KALRN: variants seen among roughly 807,000 people sequenced by gnomAD.
The protein encoded by KALRN is kalirin RhoGEF kinase, also known as kalirin.
KALRN carries 70 observed loss-of-function variants against 353.7 expected under a neutral mutation model. The observed-to-expected ratio is 0.20, with a 90% CI of 0.16 to 0.24. KALRN has a LOEUF of 0.24. Among genes scored for constraint, KALRN ranks in the 10% least tolerant of loss-of-function variants. The probability of loss-of-function intolerance (pLI) is 1.00; values close to 1 mark genes in which losing one functional copy is unlikely to be tolerated. For synonymous variants in KALRN, 1,391 were observed against 1,434.8 expected, an observed-to-expected ratio of 0.97 and a Z score of 0.69; for missense variants, 2,791 against 3,756.7, an observed-to-expected ratio of 0.74 and a Z score of 6.72.
chr3:124,687,493 T>A (rs2061617326), intron 51 of KALRN, among the ~76,000 whole-genome samples: 1 of 152,048 alleles, frequency 6.6e-6, no homozygotes, highest in Non-Finnish European at 1.5e-5. Flanking sequence ...CATATTTTCA[T>A]CCTTTTTATT....
rs549306596 is a variant in KALRN, at chr3:124,291,524, C to T, written c.970-7267C>T. 4.6e-5 allele frequency among the ~76,000 whole-genome samples: 7 copies of T among 152,122 alleles called. No individual in the cohort carries two copies. The East Asian group carries it at 5.8e-4, about 13-fold the overall frequency. On this transcript the variant is annotated intron_variant, in intron 5 of 59. Coordinates refer to ENST00000682506, the MANE Select transcript of KALRN (RefSeq NM_001388419.1). ...GAAAGGGTTTTGTTAACCCTTTGCT[C>T]GTAGTGGGATATTTGGCTGTTTCAC...
At chr3:124,047,035 C>T (rs2040541089) in intron 1 of KALRN, among the ~76,000 whole-genome samples, 1 of 143,490 alleles carries the variant, frequency 7.0e-6, no homozygotes, top group Non-Finnish European at 1.5e-5. Flanking sequence ...AAACAAAAGA[C>T]CTATGAAGTC....
intron 3 of KALRN, among the ~76,000 whole-genome samples, chr3:124,246,600 C>G (rs1049659610): frequency 6.6e-6 from 1 of 152,038 alleles, no homozygotes; most frequent in African/African-American, 2.4e-5. Flanking sequence ...CCTTATCTGC[C>G]TTTTATGGAG....
intron 1 of KALRN, among the ~76,000 whole-genome samples, chr3:124,099,648 A>G (rs907504973): frequency 2.6e-5 from 4 of 152,250 alleles, no homozygotes; most frequent in African/African-American, 9.6e-5. Context: ...ACTGTTTTCC[A>G]TAACAACTGT....
chr3:124,195,389 A>T (rs1298060540), intron 1 of KALRN, among the ~76,000 whole-genome samples: 1 of 152,154 alleles, frequency 6.6e-6, no homozygotes, highest in Non-Finnish European at 1.5e-5. Context: ...AGCATGTACA[A>T]GTACTTTGTT....
At chr3:124,649,597 G>T (rs1242243861) in intron 37 of KALRN, among the ~76,000 whole-genome samples, 1 of 145,630 alleles carries the variant, frequency 6.9e-6, no homozygotes, top group Non-Finnish European at 1.5e-5. Context: ...AATGTAATGA[G>T]ACCCAGTCTC....
At chr3:124,302,916 C>A (rs1238625405) in intron 6 of KALRN, among the ~76,000 whole-genome samples, 1 of 152,148 alleles carries the variant, frequency 6.6e-6, no homozygotes, top group African/African-American at 2.4e-5. Flanking sequence ...TAGATCCCAC[C>A]CTAATGGCCT....
At chr3:124,614,400 C>A (rs928350738) in intron 34 of KALRN, among the ~76,000 whole-genome samples, 1 of 151,548 alleles carries the variant, frequency 6.6e-6, no homozygotes, top group Non-Finnish European at 1.5e-5. Context: ...TCTCAAGTAG[C>A]TGGGACTACA....
chr3:124,699,171 G>A (rs1219971742), intron 55 of KALRN, among the ~76,000 whole-genome samples: 1 of 152,008 alleles, frequency 6.6e-6, no homozygotes, highest in Non-Finnish European at 1.5e-5. Flanking sequence ...GTTCACTCTT[G>A]TGTCTCCCAG....
intron 36 of KALRN, 47 bp downstream of exon 36, chr3:124,634,000 T>A: frequency 6.7e-7 from 1 of 1,500,326 alleles, no homozygotes; most frequent in Non-Finnish European, 9.2e-7. Context: ...GTGCCGTGCG[T>A]GATTTTGTTT....
intron 1 of KALRN, among the ~76,000 whole-genome samples, chr3:124,117,514 T>C (rs79075046): frequency 0.057 from 8,671 of 152,264 alleles, 368 homozygotes; most frequent in South Asian, 0.13. Context: ...AAACAGTTCA[T>C]TCATTCCTTT....
At position 124,126,467 on chromosome 3, in the gene KALRN, C is replaced by T. The variant is rs148661514; in HGVS notation, c.73+92654C>T. On this transcript the variant is annotated intron_variant, in intron 1 of 59. Coordinates refer to ENST00000682506, the MANE Select transcript of KALRN (RefSeq NM_001388419.1). ...CTCCTGCATCTTGAGAGGTGGAAAA[C>T]GGAGGTTTGTGTGTGGTCTCAGGAC... 2.3e-3 allele frequency among the ~76,000 whole-genome samples: 352 copies of T among 152,192 alleles called. 1 individual carries two copies. Among genetic ancestry groups the T allele is most frequent in the African/African-American group, 8.0e-3 (334 of 41,522 alleles).
intron 10 of KALRN, among the ~76,000 whole-genome samples, chr3:124,352,463 G>A (rs915899020): frequency 6.6e-6 from 1 of 152,094 alleles, no homozygotes; most frequent in Non-Finnish European, 1.5e-5. Flanking sequence ...ATTAGCAAGC[G>A]TTTATGTTCA....
chr3:124,051,032 G>A (rs1224451511), intron 1 of KALRN, among the ~76,000 whole-genome samples: 1 of 152,148 alleles, frequency 6.6e-6, no homozygotes, highest in African/African-American at 2.4e-5. Context: ...AATAATTTGG[G>A]GGGAAGAAAG....
intron 6 of KALRN, among the ~76,000 whole-genome samples, chr3:124,314,266 C>T (rs988985177): frequency 1.3e-4 from 19 of 147,398 alleles, no homozygotes; most frequent in African/African-American, 3.0e-4. Flanking sequence ...AACCAAACAC[C>T]GCATGTTCTT....
chr3:124,247,902 C>T (rs780423685), intron 3 of KALRN, among the ~76,000 whole-genome samples: 3 of 152,116 alleles, frequency 2.0e-5, no homozygotes, highest in African/African-American at 4.8e-5. Flanking sequence ...AAGTCTCCCC[C>T]TCGCCTTCTC....
intron 14 of KALRN, among the ~76,000 whole-genome samples, chr3:124,416,596 G>C (rs1046989801): frequency 1.3e-5 from 2 of 152,250 alleles, no homozygotes; most frequent in Non-Finnish European, 2.9e-5. Flanking sequence ...CCCTGTCTAT[G>C]GCTGAATGCC....
chr3:124,355,943 G>C (rs574051299), intron 10 of KALRN, among the ~76,000 whole-genome samples: 1 of 152,038 alleles, frequency 6.6e-6, no homozygotes, highest in South Asian at 2.1e-4. Context: ...TCGAACTCCT[G>C]ACCTCAAATG....
chr3:124,642,888 C>T (rs1302190261), intron 37 of KALRN, among the ~76,000 whole-genome samples: 1 of 141,982 alleles, frequency 7.0e-6, no homozygotes, highest in African/African-American at 2.7e-5. Context: ...GTGATCATGG[C>T]TCACTGCAAC....
Sources: allele counts gnomAD v4.1 joint callset (sites outside exome capture counted in the v4.1 genomes callset), GRCh38; gene constraint gnomAD v4.1.1; transcripts MANE v1.5; gene names NCBI Gene and HGNC (gene_info 2026-07-23, HGNC 2026-07-21).